Variants in VPS4B observed in about 807,000 individuals in gnomAD.
VPS4B encodes vacuolar protein sorting-associated protein 4B.
Under a neutral mutation model 56.1 loss-of-function variants are expected in VPS4B, and 23 were observed. The ratio of observed to expected loss-of-function variants is 0.41; its 90% CI spans 0.30 to 0.58. VPS4B has a LOEUF of 0.58. VPS4B is among the 20% of genes least tolerant of loss of function. The pLI is 0.29. For missense variants in VPS4B, 372 were observed against 531.9 expected, an observed-to-expected ratio of 0.70 and a Z score of 2.96; for synonymous variants, 177 against 186.0, an observed-to-expected ratio of 0.95 and a Z score of 0.39.
Position 63,390,907 on chromosome 18 carries a change from G to T in VPS4B, c.*68C>A. The stretch of plus-strand genomic sequence containing the variant: ...GAGTTTTACTGGAAACAATTAATGC[G>T]ATCCAAATAGACAAAAATATCTATG... On this transcript the variant is annotated 3_prime_UTR_variant, in exon 11 of 11. Coordinates refer to ENST00000238497, the MANE Select transcript of VPS4B (RefSeq NM_004869.4). 2 of 1,114,692 alleles carry T rather than the reference G, an allele frequency of 1.8e-6. No homozygotes were observed. Among genetic ancestry groups the T allele is most frequent in the Non-Finnish European group, 2.7e-6 (2 of 749,586 alleles). The allele number at this position is 1,114,692 out of a possible 1,614,324, so 69.1% of individuals were successfully genotyped here. A position where few individuals can be genotyped will look rare whatever the true frequency, so the allele number is the denominator to read the frequency against.
chr18:63,395,074 G>A (rs1390632289), intron 9 of VPS4B, among the ~76,000 whole-genome samples: 2 of 152,292 alleles, frequency 1.3e-5, no homozygotes, highest in East Asian at 3.9e-4. Context: ...TGGAGCCGCT[G>A]AGAGGTCTGC....
At chr18:63,417,021 A>ACCT (rs1298861673) in intron 1 of VPS4B, among the ~76,000 whole-genome samples, 3 of 152,204 alleles carry the variant, frequency 2.0e-5, no homozygotes, top group African/African-American at 7.2e-5. Context: ...CCATGAGGAC[A>ACCT]GGACTTCACC....
chr18:63,391,809 CTACT>C (rs1304311585), intron 10 of VPS4B, among the ~76,000 whole-genome samples: 2 of 152,100 alleles, frequency 1.3e-5, no homozygotes, highest in Admixed American at 1.3e-4. Context: ...TATGAAAAAT[CTACT>C]AACCAGAATT....
intron 1 of VPS4B, among the ~76,000 whole-genome samples, chr18:63,413,234 G>A (rs1213455105): frequency 6.6e-6 from 1 of 152,160 alleles, no homozygotes; most frequent in Non-Finnish European, 1.5e-5. Context: ...TGCTGCCACT[G>A]CAGACAACTG....
chr18:63,407,470 T>C lies in VPS4B; in HGVS notation c.326A>G (p.Asp109Gly), dbSNP rs1187082863. The C allele has an allele frequency of 6.2e-7, 1 of 1,610,304 alleles. No homozygotes were observed. Among genetic ancestry groups the C allele is most frequent in the Non-Finnish European group, 8.5e-7 (1 of 1,178,836 alleles). The change falls in exon 4 of 11, where the codon GAT becomes GGT. Residue 109 changes from aspartate (D) to glycine (G), a missense_variant. Transcript: ENST00000238497. The part of the protein sequence containing the change: ...GNDSDGEGES[D>G]DPEKKKLQNQ... ...CTGTAGTTTCTTTTTTTCAGGATCA[T>C]CAGATTCTCCTTCCCCATCACTGTC...
At chr18:63,393,376 A>G in intron 10 of VPS4B, 33 bp downstream of exon 10, 1 of 1,555,844 alleles carries the variant, frequency 6.4e-7, no homozygotes, top group Admixed American at 2.0e-5. Context: ...AATGTTTTAA[A>G]ATATTTTCTT....
At chr18:63,408,400 ACACT>A (rs1276249231) in intron 3 of VPS4B, among the ~76,000 whole-genome samples, 5 of 152,186 alleles carry the variant, frequency 3.3e-5, no homozygotes, top group Non-Finnish European at 7.3e-5. Context: ...GATTCACATG[ACACT>A]CACTCCAACC....
intron 5 of VPS4B, among the ~76,000 whole-genome samples, chr18:63,403,115 T>C (rs536279340): frequency 5.3e-5 from 8 of 152,358 alleles, no homozygotes; most frequent in African/African-American, 1.9e-4. Context: ...GATAATGAAA[T>C]GTCCTTTTGC....
intron 9 of VPS4B, among the ~76,000 whole-genome samples, chr18:63,394,831 A>G (rs113077262): frequency 0.032 from 4,804 of 152,308 alleles, 245 homozygotes; most frequent in African/African-American, 0.11. Flanking sequence ...GTATTAGTGT[A>G]GATGTGAAGA....
chr18:63,396,808 G>A, intron 9 of VPS4B: 2 of 476,154 alleles, frequency 4.2e-6, no homozygotes, highest in South Asian at 4.7e-5. Flanking sequence ...GGCCAACATG[G>A]TGAAATCCTG....
At chr18:63,414,123 T>C (rs1012823287) in intron 1 of VPS4B, among the ~76,000 whole-genome samples, 1 of 149,684 alleles carries the variant, frequency 6.7e-6, no homozygotes, top group Non-Finnish European at 1.5e-5. Context: ...GGCTCACGCC[T>C]GTAATCCCAG....
chr18:63,397,372 T>C (rs1915695619), intron 8 of VPS4B, 119 bp from the exon 9 acceptor site: 1 of 911,948 alleles, frequency 1.1e-6, no homozygotes. Flanking sequence ...TATATTTAGG[T>C]TAAAGGGATA....
At chr18:63,409,713 T>C (rs1192647096) in intron 3 of VPS4B, among the ~76,000 whole-genome samples, 1 of 152,244 alleles carries the variant, frequency 6.6e-6, no homozygotes. Context: ...TGCTGTGTTG[T>C]TTTCTTTACA....
At chr18:63,414,186 AG>A (rs1184054155) in intron 1 of VPS4B, among the ~76,000 whole-genome samples, 6 of 151,958 alleles carry the variant, frequency 3.9e-5, no homozygotes, top group African/African-American at 1.5e-4. Context: ...GTTCGAGACC[AG>A]CCTGGCCAAT....
At position 63,403,815 on chromosome 18, in the gene VPS4B, T is replaced by C; in HGVS notation, c.376A>G (p.Ile126Val). The change falls in exon 5 of 11, where the codon ATA (isoleucine) becomes GTA (valine). Residue 126 changes from isoleucine (I) to valine (V), a missense_variant. Physicochemically the swap from Ile to Val is conservative, Grantham distance 29. Coordinates refer to ENST00000238497, the MANE Select transcript of VPS4B (RefSeq NM_004869.4). ...LQNQLQGAIVIERPNVKWSDV... is the reference protein window; with the variant it reads ...LQNQLQGAIVVERPNVKWSDV... Reference sequence around the variant, plus strand: ...CTCCATTTCACATTTGGTCGTTCTATAACAATGGCACCTGCAAAAAATTAC... The same window carrying C: ...CTCCATTTCACATTTGGTCGTTCTACAACAATGGCACCTGCAAAAAATTAC... 6.2e-7 allele frequency: 1 copy of C among 1,606,620 alleles called. No homozygotes were observed. Among genetic ancestry groups the C allele is most frequent in the Non-Finnish European group, 8.5e-7 (1 of 1,177,294 alleles).
rs973683617 is a variant in VPS4B at position 63,410,268 on chromosome 18, T to C, written c.296+22A>G. The stretch of plus-strand genomic sequence containing the variant: ...TCGAAAGCAAAAAGCCACAATAAAA[T>C]TGAACAATTTTAAACACGTACCCCT... On this transcript the variant is annotated intron_variant, in intron 3 of 10. Coordinates refer to ENST00000238497, the MANE Select transcript of VPS4B (RefSeq NM_004869.4). 1.4e-5 allele frequency: 23 copies of C among 1,605,128 alleles called. No individual in the cohort carries two copies. In the African/African-American group the frequency reaches 2.0e-4, roughly 14 times the overall value.
chr18:63,398,224 T>TATATATATATATATATA (rs200704125), intron 8 of VPS4B, among the ~76,000 whole-genome samples: 7 of 46,796 alleles, frequency 1.5e-4, no homozygotes, highest in African/African-American at 3.8e-4. Context: ...TATATATATA[T>TATATATATATATATATA]TTTTTTTTGA....
chr18:63,407,109 ATTTT>A (rs1482929708), intron 4 of VPS4B, among the ~76,000 whole-genome samples: 1 of 152,220 alleles, frequency 6.6e-6, no homozygotes, highest in Non-Finnish European at 1.5e-5. Context: ...ATACCATCAA[ATTTT>A]GCAGTGTGCT....
intron 6 of VPS4B, 67 bp from the exon 7 acceptor site, chr18:63,400,263 A>G (rs1219799329): frequency 1.4e-6 from 2 of 1,427,662 alleles, no homozygotes; most frequent in Non-Finnish European, 1.9e-6. Context: ...GTAATATATC[A>G]ATATTACAAG....
Sources: allele counts gnomAD v4.1 joint callset (sites outside exome capture counted in the v4.1 genomes callset), GRCh38; gene constraint gnomAD v4.1.1; transcripts MANE v1.5; gene names NCBI Gene and HGNC (gene_info 2026-07-23, HGNC 2026-07-21).